The following ASIC5 variants were observed in gnomAD, a reference collection of about 807,000 sequenced individuals.
ASIC5 encodes acid sensing ion channel subunit family member 5.
Under a neutral mutation model 51.2 loss-of-function variants are expected in ASIC5, and 52 were observed. The observed-to-expected ratio is 1.02, with a 90% CI of 0.81 to 1.28. The LOEUF is 1.28. ASIC5 is among the 50% of genes most tolerant of loss of function. The pLI is 0.00. For missense variants in ASIC5, 635 were observed against 595.0 expected (o/e 1.07, Z -0.70); for synonymous variants, 231 against 200.7 (o/e 1.15, Z -1.28).
chr4:155,865,590 CA>C (rs1741841828), intron 1 of ASIC5, among the ~76,000 whole-genome samples: 1 of 152,060 alleles, frequency 6.6e-6, no homozygotes, highest in Non-Finnish European at 1.5e-5. Flanking sequence ...GTTTGCCTGT[CA>C]AAAATCAGCC....
intron 4 of ASIC5, among the ~76,000 whole-genome samples, chr4:155,844,964 C>T (rs1560745267): frequency 6.6e-6 from 1 of 151,982 alleles, no homozygotes; most frequent in Non-Finnish European, 1.5e-5. Context: ...GGGATAACAG[C>T]CCTGAAAAGC....
intron 6 of ASIC5, among the ~76,000 whole-genome samples, chr4:155,839,320 A>G (rs1200716606): frequency 2.0e-5 from 3 of 148,584 alleles, no homozygotes; most frequent in Non-Finnish European, 4.4e-5. Flanking sequence ...CATTCTGTAC[A>G]TCTTCCATCC....
intron 2 of ASIC5, chr4:155,855,431 G>A (rs1436436434): frequency 6.6e-6 from 1 of 151,780 alleles, no homozygotes; most frequent in East Asian, 1.9e-4. Context: ...TATCTTGCCG[G>A]GCAATTTTGT....
At chr4:155,839,733 A>C (rs74836117) in intron 6 of ASIC5, among the ~76,000 whole-genome samples, 1 of 151,794 alleles carries the variant, frequency 6.6e-6, no homozygotes, top group Non-Finnish European at 1.5e-5. Flanking sequence ...AAAAAAAAAA[A>C]CTACCTCCAA....
chr4:155,850,875 T>C (rs933262093), intron 4 of ASIC5, among the ~76,000 whole-genome samples: 1 of 152,046 alleles, frequency 6.6e-6, no homozygotes, highest in African/African-American at 2.4e-5. Flanking sequence ...AGTAAACTTC[T>C]GGTGGCTGTC....
chr4:155,853,647 T>G (rs901906071), intron 3 of ASIC5, among the ~76,000 whole-genome samples: 19 of 148,262 alleles, frequency 1.3e-4, no homozygotes, highest in African/African-American at 4.7e-4. Flanking sequence ...ATATAAATTT[T>G]TCATAGTTAA....
intron 8 of ASIC5, among the ~76,000 whole-genome samples, chr4:155,836,488 T>C (rs1740983199): frequency 6.6e-6 from 1 of 152,186 alleles, no homozygotes; most frequent in African/African-American, 2.4e-5. Context: ...TCATTTTCCT[T>C]TTCACACAAT....
intron 2 of ASIC5, among the ~76,000 whole-genome samples, chr4:155,862,313 A>AT (rs1741730734): frequency 6.6e-6 from 1 of 152,114 alleles, no homozygotes; most frequent in African/African-American, 2.4e-5. Context: ...TCTATTATAT[A>AT]TTGAACACCT....
In ASIC5 at chr4:155,829,800, G is replaced by T; in HGVS notation, c.*56C>A. On this transcript the variant is annotated 3_prime_UTR_variant, in exon 10 of 10. Transcript: ENST00000537611. The stretch of plus-strand genomic sequence containing the variant: ...AGAAAAGTGACGTAACAATGAATTA[G>T]TCAAGATAAATCTGAAGGTATCATG... 1 of 1,144,512 alleles carries T rather than the reference G, an allele frequency of 8.7e-7. No individual in the cohort carries two copies. Among genetic ancestry groups the T allele is most frequent in the Non-Finnish European group, 1.2e-6 (1 of 826,390 alleles). 70.9% of individuals were successfully genotyped at this position (1,144,512 alleles called of 1,614,324 possible).
rs563181446 is a variant in ASIC5, at chr4:155,837,684, C to A, written c.1067-827G>T. Among the ~76,000 whole-genome samples the A allele has an allele frequency of 2.0e-5, 3 of 152,098 alleles. No individual in the cohort carries two copies. In the South Asian group the frequency reaches 6.2e-4, roughly 32 times the overall value. ...TTGACTTCTCTAGGAGAAGTCAAAG[C>A]ATGCATCTGCTAGTTCTTTAGCATT... On this transcript the variant is annotated intron_variant, in intron 7 of 9. Transcript: ENST00000537611.
intron 4 of ASIC5, among the ~76,000 whole-genome samples, chr4:155,846,953 G>A (rs1437594056): frequency 6.6e-6 from 1 of 151,932 alleles, no homozygotes; most frequent in Admixed American, 6.6e-5. Context: ...AGAAGAACAA[G>A]CAAACAAAAA....
At position 155,831,821 on chromosome 4, in the gene ASIC5, T is replaced by C. The variant is rs1740876334; in HGVS notation, c.1327+3A>G. 1.3e-6 allele frequency: 2 copies of C among 1,553,962 alleles called. No homozygotes were observed. The highest frequency in any genetic ancestry group is 1.8e-6 in the Non-Finnish European group (2 of 1,127,112). ...AAATAAGGAGCAATTAAATAACACT[T>C]ACCAAGTAACTCAGACACACTCACC... On this transcript the variant is annotated splice_donor_region_variant and intron_variant, in intron 9 of 9. Transcript: ENST00000537611.
intron 1 of ASIC5, among the ~76,000 whole-genome samples, chr4:155,865,839 GAT>G: frequency 6.6e-6 from 1 of 152,118 alleles, no homozygotes; most frequent in African/African-American, 2.4e-5. Flanking sequence ...ATTGAGTGCT[GAT>G]CAACATAGAA....
chr4:155,842,409 T>C, intron 5 of ASIC5, 55 bp from the exon 6 acceptor site: 1 of 1,458,792 alleles, frequency 6.9e-7, no homozygotes, highest in Non-Finnish European at 9.3e-7. Flanking sequence ...AATTCACTTA[T>C]TTTCCATCAA....
chr4:155,842,014 C>G (rs1741130213), intron 6 of ASIC5, among the ~76,000 whole-genome samples, 193 bp downstream of exon 6: 1 of 152,122 alleles, frequency 6.6e-6, no homozygotes, highest in African/African-American at 2.4e-5. Context: ...TCATTTTAGT[C>G]TGCAAAGAGA....
intron 2 of ASIC5, among the ~76,000 whole-genome samples, chr4:155,860,275 T>C (rs1341070000): frequency 2.0e-5 from 3 of 152,008 alleles, no homozygotes; most frequent in South Asian, 4.1e-4. Context: ...TTTGTGATAA[T>C]ATAATTTGAT....
chr4:155,841,118 G>A (rs549693262), intron 6 of ASIC5, among the ~76,000 whole-genome samples: 14 of 152,106 alleles, frequency 9.2e-5, no homozygotes, highest in Admixed American at 6.6e-4. Context: ...CCAATCTCCC[G>A]CACAGCCAGC....
At chr4:155,835,329 C>G (rs929529248) in intron 8 of ASIC5, among the ~76,000 whole-genome samples, 1 of 151,356 alleles carries the variant, frequency 6.6e-6, no homozygotes, top group Non-Finnish European at 1.5e-5. Flanking sequence ...TGCGGGGATA[C>G]CGAACAGGCG....
intron 2 of ASIC5, among the ~76,000 whole-genome samples, chr4:155,859,556 T>C (rs1356377006): frequency 6.6e-6 from 1 of 152,044 alleles, no homozygotes; most frequent in Non-Finnish European, 1.5e-5. Context: ...AAAAAAAGTA[T>C]AGAAATTGGG....
Sources: allele counts gnomAD v4.1 joint callset (sites outside exome capture counted in the v4.1 genomes callset), GRCh38; gene constraint gnomAD v4.1.1; transcripts MANE v1.5; gene names NCBI Gene and HGNC (gene_info 2026-07-23, HGNC 2026-07-21).